The following ATP8B3 variants were observed in gnomAD, a reference collection of about 807,000 sequenced individuals.
The protein encoded by ATP8B3 is ATPase phospholipid transporting 8B3.
In ATP8B3, 141 loss-of-function variants were observed where a neutral mutation model predicts 140.9. The observed-to-expected ratio is 1.00, with a 90% CI of 0.87 to 1.15. The LOEUF (loss-of-function observed/expected upper bound fraction) is 1.15, where lower values mean the gene tolerates loss of function less well. Ranked by LOEUF, ATP8B3 falls within the 50% of genes most tolerant of loss-of-function variation. The probability of loss-of-function intolerance (pLI) is 0.00; values close to 1 mark genes in which losing one functional copy is unlikely to be tolerated. For synonymous variants in ATP8B3, 765 were observed against 714.6 expected (o/e 1.07, Z -1.13); for missense variants, 1,874 against 1,740.6 (o/e 1.08, Z -1.36).
intron 16 of ATP8B3, 120 bp from the exon 17 acceptor site, chr19:1,796,385 C>T (rs927736056): frequency 1.5e-5 from 15 of 1,008,806 alleles, no homozygotes; most frequent in South Asian, 8.1e-5. Flanking sequence ...CGGGGACCCC[C>T]GCCTGTACAA....
rs1224594518 is a variant in ATP8B3, at chr19:1,796,401, T to C, written c.1754-136A>G. On this transcript the variant is annotated intron_variant, in intron 16 of 28. Coordinates refer to ENST00000310127, the MANE Select transcript of ATP8B3 (RefSeq NM_138813.4). Reference sequence around the variant, plus strand: ...GGGGACCCCCGCCTGTACAACCCAATGCATGGAGGTGAGCACTTGAGACTA... The same window carrying C: ...GGGGACCCCCGCCTGTACAACCCAACGCATGGAGGTGAGCACTTGAGACTA... 4.6e-6 allele frequency: 4 copies of C among 871,096 alleles called. No individual in the cohort carries two copies. The South Asian group carries it at 5.3e-5, about 11-fold the overall frequency. The allele number at this position is 871,096 out of a possible 1,614,324, so 54.0% of individuals were successfully genotyped here. A position where few individuals can be genotyped will look rare whatever the true frequency, so the allele number is the denominator to read the frequency against.
chr19:1,787,443 T>C (rs1204759852), intron 24 of ATP8B3, among the ~76,000 whole-genome samples: 1 of 152,066 alleles, frequency 6.6e-6, no homozygotes, highest in African/African-American at 2.4e-5. Context: ...CAAAAAAGGA[T>C]ACAGGCTGGG....
Position 1,802,014 on chromosome 19 carries a change from C to T in ATP8B3, c.1094G>A (p.Gly365Asp). 1 of 1,612,424 alleles carries T rather than the reference C, an allele frequency of 6.2e-7. No homozygotes were observed. The highest frequency in any genetic ancestry group is 8.5e-7 in the Non-Finnish European group (1 of 1,179,698). The change falls in exon 12 of 29, where the codon GGC (glycine) becomes GAC (aspartate). Residue 365 changes from glycine to aspartate, a missense_variant. Around this residue, in one of 3 missense-constraint regions of ATP8B3, gnomAD observed 1,032 missense variants for 963.6 expected, o/e 1.07. Transcript: ENST00000310127. ...CTTGGTTCTCTTCAAATGGATCTTG[C>T]CACAGTTCTTCATAATTTTTGTGTC... ...GFDTKIMKNC[G>D]KIHLKRTKLD... is the part of the protein sequence containing the mutation.
chr19:1,800,472 T>C lies in ATP8B3; in HGVS notation c.1153-23A>G, dbSNP rs772053628. On this transcript the variant is annotated intron_variant, in intron 12 of 28. Coordinates refer to ENST00000310127, the MANE Select transcript of ATP8B3 (RefSeq NM_138813.4). The surrounding 1 kb of genome is among the most constrained non-coding windows in gnomAD (Gnocchi z 4.4). ...GATCTGGAAGGCAGACGCGACAGGG[T>C]GGGTGAGGGGGGCGGGGGTCCCCCA... 3.0e-6 allele frequency: 4 copies of C among 1,319,536 alleles called. No homozygotes were observed. The African/African-American group carries it at 5.9e-5, about 20-fold the overall frequency. The allele number at this position is 1,319,536 out of a possible 1,614,324, so 81.7% of individuals were successfully genotyped here.
chr19:1,802,381 C>T, intron 11 of ATP8B3, 106 bp downstream of exon 11: 1 of 1,109,790 alleles, frequency 9.0e-7, no homozygotes, highest in East Asian at 3.2e-5. Context: ...ATGCACTCAT[C>T]CTCTCACACA....
chr19:1,810,706 G>T, intron 2 of ATP8B3, 23 bp from the exon 3 acceptor site: 1 of 1,607,664 alleles, frequency 6.2e-7, no homozygotes. Flanking sequence ...AGGGCCCCGG[G>T]TCACAGCAGT....
At chr19:1,791,948 G>C in intron 19 of ATP8B3, 53 bp downstream of exon 19, 2 of 1,508,100 alleles carry the variant, frequency 1.3e-6, no homozygotes, top group Non-Finnish European at 1.8e-6. Flanking sequence ...GGGCCCCCTT[G>C]GGTGCCCCCG....
At chr19:1,790,729 G>GTC (rs2068478776) in intron 21 of ATP8B3, 28 bp downstream of exon 21, 1 of 1,482,824 alleles carries the variant, frequency 6.7e-7, no homozygotes, top group Non-Finnish European at 8.9e-7. Context: ...CACTCCCCTT[G>GTC]CTCACCCCCC....
chr19:1,793,785 C>G (rs1395227952), intron 18 of ATP8B3, among the ~76,000 whole-genome samples: 1 of 152,106 alleles, frequency 6.6e-6, no homozygotes, highest in Non-Finnish European at 1.5e-5. Context: ...CTCTGTTGCC[C>G]AGGCTGGAGT....
intron 20 of ATP8B3, 80 bp downstream of exon 20, chr19:1,791,670 G>T: frequency 9.0e-7 from 1 of 1,106,208 alleles, no homozygotes; most frequent in Non-Finnish European, 1.3e-6. Flanking sequence ...TGGGATGACA[G>T]GTGTGAGCCT....
In ATP8B3 at chr19:1,796,554, G is replaced by A. The variant is rs556986224; in HGVS notation, c.1753+157C>T. On this transcript the variant is annotated intron_variant, in intron 16 of 28. Coordinates refer to ENST00000310127, the MANE Select transcript of ATP8B3 (RefSeq NM_138813.4). Reference sequence around the variant, plus strand: ...TCAGCACTGTCTGGGCTCCAGGCCCGGACGCCCTCGAGGTGCGGCTGGTGT... The same window carrying A: ...TCAGCACTGTCTGGGCTCCAGGCCCAGACGCCCTCGAGGTGCGGCTGGTGT... Among the ~76,000 whole-genome samples the A allele has an allele frequency of 1.9e-3, 295 of 152,318 alleles. 1 individual carries two copies. The highest frequency in any genetic ancestry group is 6.5e-3 in the African/African-American group (270 of 41,572).
At position 1,800,990 on chromosome 19, in the gene ATP8B3, G is replaced by T. The variant is rs970062223; in HGVS notation, c.1153-541C>A. Among the ~76,000 whole-genome samples, 1 of 148,220 alleles carries T rather than the reference G, an allele frequency of 6.7e-6. No homozygotes were observed. Among genetic ancestry groups the T allele is most frequent in the East Asian group, 2.1e-4 (1 of 4,874 alleles). On this transcript the variant is annotated intron_variant, in intron 12 of 28. Transcript: ENST00000310127. This position sits in a 1 kb window ranked among gnomAD's most constrained non-coding sequence, Gnocchi z 4.4. The stretch of plus-strand genomic sequence containing the variant: ...ACTACAGGCGCCCGCCACCACGCCC[G>T]GCTAATTTTTTGTATTTTTAGTAGA...
Position 1,796,171 on chromosome 19 carries a change from G to A in ATP8B3, c.1848C>T (p.Asp616=), listed in dbSNP as rs1391915610. ...FGYVFLSRTQ[D]TVTIMELGEE... is the part of the protein sequence containing the mutation. ...CCCCCAGCTCCATGATCGTGACGGT[G>A]TCCTGGGTGCGGGACAGGAACACGT... The change falls in exon 17 of 29, where the codon GAC becomes GAT. Residue 616 remains aspartate (D), a synonymous_variant. Coordinates refer to ENST00000310127, the MANE Select transcript of ATP8B3 (RefSeq NM_138813.4). The A allele has an allele frequency of 1.9e-6, 3 of 1,612,820 alleles. No homozygotes were observed. The highest frequency in any genetic ancestry group is 2.5e-6 in the Non-Finnish European group (3 of 1,179,880).
At position 1,789,492 on chromosome 19, in the gene ATP8B3, T is replaced by G. The variant is rs1335067019; in HGVS notation, c.2714A>C (p.Lys905Thr). The G allele has an allele frequency of 6.3e-7, 1 of 1,597,866 alleles. No individual in the cohort carries two copies. The highest frequency in any genetic ancestry group is 1.1e-5 in the South Asian group (1 of 90,968). The change falls in exon 23 of 29, where the codon AAG (lysine) becomes ACG (threonine). Residue 905 changes from lysine to threonine, a missense_variant. Transcript: ENST00000310127. ...QERAFVDLAS[K>T]CQAVICCRVT... Reference sequence around the variant, plus strand: ...GCGGCAGCAGATGACCGCCTGGCACTTGGACGCCAGGTCCACGAAGGCGCG... The same window carrying G: ...GCGGCAGCAGATGACCGCCTGGCACGTGGACGCCAGGTCCACGAAGGCGCG...
rs1231661028 is a variant in ATP8B3, at chr19:1,805,854, C to T, written c.821+34G>A. 6 of 1,611,668 alleles carry T rather than the reference C, an allele frequency of 3.7e-6. No individual in the cohort carries two copies. The African/African-American group carries it at 6.7e-5, about 18-fold the overall frequency. ...GCTCCTCCGGGCCATGCTCCCCACC[C>T]CCCAGGGTCCCCAGCGATGCCACAG... On this transcript the variant is annotated intron_variant, in intron 9 of 28. Transcript: ENST00000310127. The surrounding 1 kb of genome is among the most constrained non-coding windows in gnomAD (Gnocchi z 5.2).
intron 27 of ATP8B3, 23 bp from the exon 28 acceptor site, chr19:1,784,969 G>C (rs1186980192): frequency 6.3e-7 from 1 of 1,596,216 alleles, no homozygotes; most frequent in Non-Finnish European, 8.5e-7. Context: ...CGGGGTCACA[G>C]CAGAGCCTAC....
intron 24 of ATP8B3, 126 bp downstream of exon 24, chr19:1,788,771 A>T: frequency 1.1e-6 from 1 of 912,426 alleles, no homozygotes; most frequent in Non-Finnish European, 1.6e-6. Flanking sequence ...ATGTGGCCTC[A>T]GGCAAGCCCT....
At position 1,811,567 on chromosome 19, in the gene ATP8B3, G is replaced by A; in HGVS notation, c.170C>T (p.Ser57Phe). The part of the protein sequence containing the change: ...ETVIRAGMGD[S>F]PGRGAPERRH... ...CCTCTCAGGTGCCCCTCTGCCTGGGGAGTCTCCCATCCCAGCTCTGATCAC... is the reference window on the plus strand; with the variant it reads ...CCTCTCAGGTGCCCCTCTGCCTGGGAAGTCTCCCATCCCAGCTCTGATCAC... Residue 57 changes from serine (S) to phenylalanine (F), a missense_variant, in exon 2 of 29, where the codon TCC becomes TTC. Ser to Phe is a radical substitution (Grantham distance 155, BLOSUM62 -2). Transcript: ENST00000310127. 6.2e-7 allele frequency: 1 copy of A among 1,612,336 alleles called. No individual in the cohort carries two copies. The highest frequency in any genetic ancestry group is 1.1e-5 in the South Asian group (1 of 91,076).
rs2068986239 is a variant in ATP8B3, at chr19:1,805,596, A to G, written c.822-140T>C. Reference sequence around the variant, plus strand: ...GCTGCCAGTCAGATGGCTGAGGCCCAGAGAGGGAGAAGGCCTTGCCCAAGG... The same window carrying G: ...GCTGCCAGTCAGATGGCTGAGGCCCGGAGAGGGAGAAGGCCTTGCCCAAGG... On this transcript the variant is annotated intron_variant, in intron 9 of 28. Coordinates refer to ENST00000310127, the MANE Select transcript of ATP8B3 (RefSeq NM_138813.4). The surrounding 1 kb of genome is among the most constrained non-coding windows in gnomAD (Gnocchi z 5.2). 1 of 839,436 alleles carries G rather than the reference A, an allele frequency of 1.2e-6. No homozygotes were observed. The highest frequency in any genetic ancestry group is 1.7e-5 in the African/African-American group (1 of 59,272). 52.0% of individuals were successfully genotyped at this position (839,436 alleles called of 1,614,324 possible). A position where few individuals can be genotyped will look rare whatever the true frequency, so the allele number is the denominator to read the frequency against.
Sources: allele counts gnomAD v4.1 joint callset (sites outside exome capture counted in the v4.1 genomes callset), GRCh38; gene constraint gnomAD v4.1.1; regional missense constraint gnomAD v4.1.1; non-coding constraint Gnocchi (gnomAD v3.1); transcripts MANE v1.5; gene names NCBI Gene and HGNC (gene_info 2026-07-23, HGNC 2026-07-21).